MPRIP: variants seen among roughly 807,000 people sequenced by gnomAD.
MPRIP encodes myosin phosphatase Rho interacting protein.
MPRIP carries 59 observed loss-of-function variants against 234.9 expected under a neutral mutation model. The ratio of observed to expected loss-of-function variants is 0.25; its 90% CI spans 0.20 to 0.31. The LOEUF (loss-of-function observed/expected upper bound fraction) is 0.31, where lower values mean the gene tolerates loss of function less well. Among genes scored for constraint, MPRIP ranks in the 10% least tolerant of loss-of-function variants. The pLI is 1.00. For synonymous variants in MPRIP, 1,144 were observed against 1,263.9 expected (o/e 0.91, Z 2.01); for missense variants, 2,436 against 3,071.0 (o/e 0.79, Z 4.89).
At chr17:17,174,391 G>C (rs558892600) in intron 19 of MPRIP, among the ~76,000 whole-genome samples, 2 of 152,226 alleles carry the variant, frequency 1.3e-5, no homozygotes, top group African/African-American at 2.4e-5. Context: ...TCTTCTCTGT[G>C]CTCCTCTGAA....
chr17:17,063,772 A>C (rs2088936398), intron 1 of MPRIP, among the ~76,000 whole-genome samples: 1 of 152,220 alleles, frequency 6.6e-6, no homozygotes, highest in Non-Finnish European at 1.5e-5. Context: ...GTGAGAGCCA[A>C]GCATGTTGTG....
intron 3 of MPRIP, among the ~76,000 whole-genome samples, chr17:17,114,715 C>CCCA (rs1390001218): frequency 6.6e-6 from 1 of 152,156 alleles, no homozygotes; most frequent in Non-Finnish European, 1.5e-5. Flanking sequence ...CCCCCGCCCA[C>CCCA]CCACCACCAG....
chr17:17,102,948 T>C (rs964669800), intron 3 of MPRIP, among the ~76,000 whole-genome samples: 1 of 152,262 alleles, frequency 6.6e-6, no homozygotes, highest in African/African-American at 2.4e-5. Context: ...TAACCACTTC[T>C]GTCTGGCATG....
chr17:17,158,896 C>T lies in MPRIP; in HGVS notation c.2294C>T (p.Pro765Leu), dbSNP rs1008513899. ...EQRWHQVETT[P>L]LREEKQVPIA... is the part of the protein sequence containing the mutation. ...CGGTGGCATCAGGTGGAGACCACAC[C>T]TCTCCGGGAAGAGAAGCAGGTGCCC... is the stretch of plus-strand genomic sequence containing the variant. The change falls in exon 14 of 24, where the codon CCT becomes CTT. Residue 765 changes from proline to leucine, a missense_variant. By Grantham distance (98) the Pro-to-Leu change is moderately conservative. Transcript: ENST00000651222. The T allele has an allele frequency of 3.7e-6, 6 of 1,612,252 alleles. No individual in the cohort carries two copies. In the African/African-American group the frequency reaches 8.0e-5, roughly 22 times the overall value.
chr17:17,168,639 C>G (rs1422690762), intron 16 of MPRIP: 1 of 352,094 alleles, frequency 2.8e-6, no homozygotes, highest in Non-Finnish European at 5.6e-6. Context: ...CTGTCTGGCC[C>G]CACCCTTTGT....
At position 17,054,305 on chromosome 17, in the gene MPRIP, G is replaced by T. The variant is rs577602984; in HGVS notation, c.123+11334G>T. On this transcript the variant is annotated intron_variant, in intron 1 of 23. Transcript: ENST00000651222. ...GAAGTTCAAAAACAAGGACAAAAGCGGTGGGCTGGCTGAGTGCTTCTTACT... is the reference window on the plus strand; with the variant it reads ...GAAGTTCAAAAACAAGGACAAAAGCTGTGGGCTGGCTGAGTGCTTCTTACT... Among the ~76,000 whole-genome samples the T allele has an allele frequency of 2.0e-5, 3 of 152,320 alleles. No homozygotes were observed. The South Asian group carries it at 6.2e-4, about 32-fold the overall frequency.
intron 1 of MPRIP, among the ~76,000 whole-genome samples, chr17:17,054,852 T>C (rs1174379822): frequency 6.6e-6 from 1 of 151,674 alleles, no homozygotes; most frequent in African/African-American, 2.4e-5. Flanking sequence ...GAGTTCGAGA[T>C]CAGCCTGGGC....
At position 17,166,354 on chromosome 17, in the gene MPRIP, C is replaced by G; in HGVS notation, c.4763C>G (p.Ser1588Ter). Residue 1588 changes from serine (S) to a stop codon, truncating the protein, a stop_gained, in exon 16 of 24, where the codon TCA becomes TGA. Coordinates refer to ENST00000651222, the MANE Select transcript of MPRIP (RefSeq NM_001364716.4). LOFTEE classifies it high-confidence loss of function. This position sits in a 1 kb window ranked among gnomAD's most constrained non-coding sequence, Gnocchi z 4.4. ...GCAGATTCCCTGAAGAACACAACAT[C>G]AGATGTCTCCCGAATGCTCCATGAG... is the stretch of plus-strand genomic sequence containing the variant. ...QIADSLKNTT[S>*]DVSRMLHEIS... 1 of 1,304,596 alleles carries G rather than the reference C, an allele frequency of 7.7e-7. No individual in the cohort carries two copies. The highest frequency in any genetic ancestry group is 1.0e-6 in the Non-Finnish European group (1 of 989,046). 80.8% of individuals were successfully genotyped at this position (1,304,596 alleles called of 1,614,324 possible).
At position 17,174,002 on chromosome 17, in the gene MPRIP, A is replaced by G. The variant is rs774817298; in HGVS notation, c.6677A>G (p.Gln2226Arg). 5.0e-6 allele frequency: 8 copies of G among 1,613,708 alleles called. No individual in the cohort carries two copies. The South Asian group carries it at 8.8e-5, about 18-fold the overall frequency. Residue 2226 changes from glutamine (Q) to arginine (R), a missense_variant, in exon 19 of 24, where the codon CAG (glutamine) becomes CGG (arginine). Transcript: ENST00000651222. Reference sequence around the variant, plus strand: ...TGCCTGGAGAATGCCCATCTGGCCCAGGCGCTGGAGGCCGAGCGGCAGGCC... The same window carrying G: ...TGCCTGGAGAATGCCCATCTGGCCCGGGCGCTGGAGGCCGAGCGGCAGGCC... ...QKCLENAHLAQALEAERQALR... is the reference protein window; with the variant it reads ...QKCLENAHLARALEAERQALR...
intron 15 of MPRIP, among the ~76,000 whole-genome samples, chr17:17,162,753 G>T (rs1363363028): frequency 6.6e-6 from 1 of 152,162 alleles, no homozygotes; most frequent in Non-Finnish European, 1.5e-5. Context: ...AAAACTGAAC[G>T]CTGACATTAT....
At chr17:17,145,255 A>C (rs1254409932) in intron 9 of MPRIP, among the ~76,000 whole-genome samples, 1 of 151,986 alleles carries the variant, frequency 6.6e-6, no homozygotes, top group African/African-American at 2.4e-5. Flanking sequence ...GCCTGTTCTC[A>C]CTCTCACTCC....
At chr17:17,101,604 A>T (rs948388096) in intron 3 of MPRIP, among the ~76,000 whole-genome samples, 4 of 151,608 alleles carry the variant, frequency 2.6e-5, no homozygotes, top group African/African-American at 9.7e-5. Flanking sequence ...AACAACAAAA[A>T]AAATATATAT....
chr17:17,119,343 C>T (rs1392804195), intron 3 of MPRIP, among the ~76,000 whole-genome samples: 1 of 152,248 alleles, frequency 6.6e-6, no homozygotes, highest in Non-Finnish European at 1.5e-5. Flanking sequence ...CCGTGCTGGG[C>T]AAGTCTCCAC....
chr17:17,180,260 G>A (rs1338087289), intron 23 of MPRIP, 172 bp downstream of exon 23: 1 of 627,992 alleles, frequency 1.6e-6, no homozygotes, highest in South Asian at 2.0e-5. Flanking sequence ...TTTGAGCTCT[G>A]TGTCTGTCTT....
At chr17:17,060,753 GATGTT>G (rs1349305386) in intron 1 of MPRIP, among the ~76,000 whole-genome samples, 1 of 152,204 alleles carries the variant, frequency 6.6e-6, no homozygotes, top group Admixed American at 6.5e-5. Context: ...GGGTCCTGAT[GATGTT>G]GAAACACTTG....
At chr17:17,081,889 A>G (rs867217515) in intron 3 of MPRIP, among the ~76,000 whole-genome samples, 4 of 152,190 alleles carry the variant, frequency 2.6e-5, no homozygotes, top group African/African-American at 4.8e-5. Flanking sequence ...AAGGAAAAGA[A>G]ATTTCTCAAA....
chr17:17,150,272 G>T, intron 12 of MPRIP, 39 bp downstream of exon 12: 8 of 1,453,780 alleles, frequency 5.5e-6, no homozygotes, highest in Non-Finnish European at 7.7e-6. Context: ...AGGCTTGACA[G>T]GCAGGGATGC....
intron 1 of MPRIP, among the ~76,000 whole-genome samples, chr17:17,072,335 G>T (rs951737325): frequency 6.6e-6 from 1 of 152,154 alleles, no homozygotes; most frequent in Non-Finnish European, 1.5e-5. Flanking sequence ...ACCCACTGCT[G>T]GCCTAGGCCG....
At chr17:17,145,733 A>G (rs2045447994) in intron 9 of MPRIP, among the ~76,000 whole-genome samples, 2 of 152,228 alleles carry the variant, frequency 1.3e-5, no homozygotes, top group East Asian at 1.9e-4. Context: ...CCTCCCAGAT[A>G]GGCCCTGTGC....
Sources: gnomAD v4.1 joint callset for allele counts (sites outside exome capture counted in the v4.1 genomes callset) on GRCh38, gnomAD v4.1.1 for gene constraint, Gnocchi (gnomAD v3.1) non-coding constraint, MANE v1.5 for transcripts, NCBI Gene and HGNC (gene_info 2026-07-23, HGNC 2026-07-21) for gene names.